CDH12: variants seen among roughly 807,000 people sequenced by gnomAD.
CDH12 encodes cadherin-12.
CDH12 carries 41 observed loss-of-function variants against 74.1 expected under a neutral mutation model. The ratio of observed to expected loss-of-function variants is 0.55; its 90% CI spans 0.43 to 0.72. The LOEUF is 0.72. CDH12 is among the 30% of genes least tolerant of loss of function. CDH12 has a pLI of 0.00. For synonymous variants in CDH12, 399 were observed against 355.0 expected (o/e 1.12, Z -1.39); for missense variants, 945 against 977.2 (o/e 0.97, Z 0.44).
At chr5:22,790,556 G>A (rs1260884087) in intron 1 of CDH12, among the ~76,000 whole-genome samples, 2 of 151,898 alleles carry the variant, frequency 1.3e-5, no homozygotes, top group Non-Finnish European at 2.9e-5. Context: ...GAATAAAAAT[G>A]AATCCCTCTT....
At chr5:22,149,714 C>A (rs1747439415) in intron 4 of CDH12, among the ~76,000 whole-genome samples, 1 of 152,100 alleles carries the variant, frequency 6.6e-6, no homozygotes, top group Non-Finnish European at 1.5e-5. Flanking sequence ...TAAAATATTT[C>A]ACTTGCCTTG....
At chr5:21,806,624 A>T (rs1315937400) in intron 9 of CDH12, among the ~76,000 whole-genome samples, 2 of 152,194 alleles carry the variant, frequency 1.3e-5, no homozygotes, top group African/African-American at 4.8e-5. Flanking sequence ...TATACACGTT[A>T]AATAATTTGT....
At chr5:22,709,869 C>G (rs2126972287) in intron 1 of CDH12, among the ~76,000 whole-genome samples, 1 of 152,296 alleles carries the variant, frequency 6.6e-6, no homozygotes, top group African/African-American at 2.4e-5. Context: ...TCCTTCTAGA[C>G]AGCCACACTG....
chr5:21,763,707 A>G (rs1744851249), intron 12 of CDH12, among the ~76,000 whole-genome samples: 2 of 152,164 alleles, frequency 1.3e-5, no homozygotes, highest in African/African-American at 4.8e-5. Flanking sequence ...TTCCTTTTAT[A>G]TTATTCCTAA....
chr5:22,041,099 A>C (rs1214242169), intron 5 of CDH12, among the ~76,000 whole-genome samples: 4 of 152,078 alleles, frequency 2.6e-5, no homozygotes, highest in South Asian at 2.1e-4. Context: ...ACCTGAAGTT[A>C]AAATGTTATC....
chr5:22,170,915 G>T (rs891041948), intron 4 of CDH12, among the ~76,000 whole-genome samples: 1 of 151,790 alleles, frequency 6.6e-6, no homozygotes, highest in Non-Finnish European at 1.5e-5. Flanking sequence ...GCAGCAGTTG[G>T]TAGCAGTTAG....
intron 2 of CDH12, among the ~76,000 whole-genome samples, chr5:22,444,396 T>G (rs1744739631): frequency 6.6e-6 from 1 of 152,126 alleles, no homozygotes; most frequent in Non-Finnish European, 1.5e-5. Flanking sequence ...GCTAATACTA[T>G]TCAGGTAAAT....
chr5:22,830,034 C>T (rs1736518443), intron 1 of CDH12, among the ~76,000 whole-genome samples: 1 of 152,166 alleles, frequency 6.6e-6, no homozygotes, highest in East Asian at 1.9e-4. Context: ...CACATCACTA[C>T]TAAAGGCTAA....
chr5:22,136,572 C>T (rs1292896164), intron 4 of CDH12, among the ~76,000 whole-genome samples: 1 of 151,128 alleles, frequency 6.6e-6, no homozygotes, highest in East Asian at 1.9e-4. Flanking sequence ...TAATTGCACC[C>T]ATGCTTTGGT....
At chr5:21,914,198 G>A (rs899275530) in intron 6 of CDH12, among the ~76,000 whole-genome samples, 3 of 152,068 alleles carry the variant, frequency 2.0e-5, no homozygotes, top group Non-Finnish European at 4.4e-5. Context: ...AACCTGAGAC[G>A]GAATGACTGA....
intron 4 of CDH12, among the ~76,000 whole-genome samples, chr5:22,186,296 A>C (rs1166496165): frequency 1.3e-5 from 2 of 152,204 alleles, no homozygotes; most frequent in African/African-American, 4.8e-5. Flanking sequence ...AATAATACCA[A>C]GTCCTTCACC....
intron 3 of CDH12, among the ~76,000 whole-genome samples, chr5:22,321,350 T>C (rs1429051016): frequency 6.8e-6 from 1 of 147,996 alleles, no homozygotes; most frequent in African/African-American, 2.5e-5. Context: ...TGTAGGGACA[T>C]GGATGAAATT....
intron 3 of CDH12, among the ~76,000 whole-genome samples, chr5:22,367,534 G>A (rs80129676): frequency 0.038 from 5,721 of 152,238 alleles, 373 homozygotes; most frequent in African/African-American, 0.13. Context: ...TGCTGAGTCT[G>A]ATGTCATGAC....
At chr5:22,647,423 T>C (rs1378376196) in intron 1 of CDH12, among the ~76,000 whole-genome samples, 2 of 151,924 alleles carry the variant, frequency 1.3e-5, no homozygotes, top group Admixed American at 6.6e-5. Context: ...CATAACAAAA[T>C]ACAGAACAAC....
chr5:22,616,622 A>G (rs1433870608), intron 1 of CDH12, among the ~76,000 whole-genome samples: 1 of 152,152 alleles, frequency 6.6e-6, no homozygotes, highest in Non-Finnish European at 1.5e-5. Context: ...GTATACATAC[A>G]TATAATCTCC....
chr5:22,333,488 A>T (rs891238969), intron 3 of CDH12, among the ~76,000 whole-genome samples: 4 of 152,132 alleles, frequency 2.6e-5, no homozygotes, highest in Admixed American at 6.6e-5. Context: ...AAAATTGTTT[A>T]AAAAAGTCTC....
chr5:22,053,749 T>C (rs147529311), intron 5 of CDH12, among the ~76,000 whole-genome samples: 1 of 152,142 alleles, frequency 6.6e-6, no homozygotes, highest in South Asian at 2.1e-4. Flanking sequence ...GGTGTAATTA[T>C]GACTAACGTT....
At chr5:22,840,857 G>T (rs1168233015) in intron 1 of CDH12, among the ~76,000 whole-genome samples, 4 of 152,172 alleles carry the variant, frequency 2.6e-5, no homozygotes, top group Non-Finnish European at 5.9e-5. Flanking sequence ...TAGCCAAGTA[G>T]GTGGCTGGTA....
chr5:22,848,721 G>T (rs1737417130), intron 1 of CDH12, among the ~76,000 whole-genome samples: 1 of 152,076 alleles, frequency 6.6e-6, no homozygotes, highest in Admixed American at 6.5e-5. Flanking sequence ...TGTAACTCTA[G>T]CTTGGCAATT....
Sources: gnomAD v4.1 joint callset for allele counts (sites outside exome capture counted in the v4.1 genomes callset) on GRCh38, gnomAD v4.1.1 for gene constraint, MANE v1.5 for transcripts, NCBI Gene and HGNC (gene_info 2026-07-23, HGNC 2026-07-21) for gene names.